The following FAM161B variants were observed in gnomAD, a reference collection of about 807,000 sequenced individuals.
FAM161B encodes protein FAM161B.
In FAM161B, 46 loss-of-function variants were observed where a neutral mutation model predicts 61.5. That is an observed-to-expected ratio of 0.75 (90% CI 0.59 to 0.96). FAM161B has a LOEUF of 0.96. Among genes scored for constraint, FAM161B ranks in the 40% least tolerant of loss-of-function variants. The probability of loss-of-function intolerance (pLI) is 0.00; values close to 1 mark genes in which losing one functional copy is unlikely to be tolerated. For synonymous variants in FAM161B, 284 were observed against 302.7 expected, an observed-to-expected ratio of 0.94 and a Z score of 0.64; for missense variants, 774 against 800.7, an observed-to-expected ratio of 0.97 and a Z score of 0.40.
chr14:73,937,641 T>G lies in FAM161B; in HGVS notation c.1626A>C (p.Arg542=). ...CAAAGAGATAGGGCCTTGTTTGTAT[T>G]CGCTGCTTCATTTCCTCCAGTTCTT... ...YKKELEEMKQ[R]IQTRPYLFEQ... is the part of the protein sequence containing the mutation. The change falls in exon 7 of 9, where the codon CGA becomes CGC. Residue 542 remains arginine (R), a synonymous_variant. Coordinates refer to ENST00000286544, the MANE Select transcript of FAM161B (RefSeq NM_152445.3). The G allele has an allele frequency of 6.2e-7, 1 of 1,614,212 alleles. No individual in the cohort carries two copies. Among genetic ancestry groups the G allele is most frequent in the Non-Finnish European group, 8.5e-7 (1 of 1,180,038 alleles).
rs2055938498 is a variant in FAM161B, at chr14:73,933,028, T to C, written c.*1228A>G. ...ATTTTAAGTTTACTTAAAATGAACCTCATGCTCACATAAACACACAGGCAC... is the reference window on the plus strand; with the variant it reads ...ATTTTAAGTTTACTTAAAATGAACCCCATGCTCACATAAACACACAGGCAC... On this transcript the variant is annotated 3_prime_UTR_variant, in exon 9 of 9. Coordinates refer to ENST00000286544, the MANE Select transcript of FAM161B (RefSeq NM_152445.3). 6.5e-6 allele frequency: 1 copy of C among 154,258 alleles called. No individual in the cohort carries two copies. Among genetic ancestry groups the C allele is most frequent in the South Asian group, 2.0e-4 (1 of 4,980 alleles). 9.6% of individuals were successfully genotyped at this position (154,258 alleles called of 1,614,324 possible). A position where few individuals can be genotyped will look rare whatever the true frequency, so the allele number is the denominator to read the frequency against.
In FAM161B at chr14:73,942,222, A is replaced by G. The variant is rs1004682769; in HGVS notation, c.1272+147T>C. 7.7e-6 allele frequency: 6 copies of G among 774,302 alleles called. No homozygotes were observed. In the African/African-American group the frequency reaches 8.8e-5, roughly 11 times the overall value. 48.0% of individuals were successfully genotyped at this position (774,302 alleles called of 1,614,324 possible). Reference sequence around the variant, plus strand: ...CAGGCTGGGCTGTGGTCTGGAGTTTATAGGAAAGTGAATCTGCTTACAACT... The same window carrying G: ...CAGGCTGGGCTGTGGTCTGGAGTTTGTAGGAAAGTGAATCTGCTTACAACT... On this transcript the variant is annotated intron_variant, in intron 4 of 8. Coordinates refer to ENST00000286544, the MANE Select transcript of FAM161B (RefSeq NM_152445.3).
chr14:73,938,240 C>T, intron 5 of FAM161B, 128 bp from the exon 6 acceptor site: 1 of 1,045,080 alleles, frequency 9.6e-7, no homozygotes, highest in Non-Finnish European at 1.4e-6. Flanking sequence ...AGGTGGATCA[C>T]CTGAGGTCAG....
chr14:73,931,599 G>A (rs1049830472), downstream of FAM161B: 9 of 1,513,720 alleles, frequency 5.9e-6, no homozygotes, highest in Middle Eastern at 3.4e-4. Flanking sequence ...GCGTATACTG[G>A]GAACAGGATG....
At chr14:73,931,543 C>T (rs1189283519), downstream of FAM161B, 8 of 1,609,378 alleles carry the variant, frequency 5.0e-6, no homozygotes, top group African/African-American at 1.3e-5. Context: ...CGGACATGAG[C>T]GTGGGTGCTG....
chr14:73,949,253 C>A (rs1289684479), intron 1 of FAM161B, among the ~76,000 whole-genome samples: 1 of 152,202 alleles, frequency 6.6e-6, no homozygotes, highest in Non-Finnish European at 1.5e-5. Flanking sequence ...CAGGCATGTG[C>A]CACCACGTCC....
In FAM161B at chr14:73,946,319, C is replaced by T; in HGVS notation, c.341G>A (p.Gly114Glu). The change falls in exon 2 of 9, where the codon GGG becomes GAG. Residue 114 changes from glycine (G) to glutamate (E), a missense_variant. Coordinates refer to ENST00000286544, the MANE Select transcript of FAM161B (RefSeq NM_152445.3). The part of the protein sequence containing the change: ...LESFFQDKDR[G>E]MVQVQCPQAL... ...CTGCGGGCACTGGACCTGCACCATC[C>T]CCCTGTCCTTGTCTTGGAAGAAACT... 1.9e-6 allele frequency: 3 copies of T among 1,614,146 alleles called. No individual in the cohort carries two copies. Among genetic ancestry groups the T allele is most frequent in the Non-Finnish European group, 2.5e-6 (3 of 1,180,024 alleles).
rs2055948517 is a variant in FAM161B at position 73,933,932 on chromosome 14, C to T, written c.*324G>A. ...TGCCTCTTGGGTTCAAGTGATTCTCCTGCCTCAGCTTCCCAAGTAGCTAGG... is the reference window on the plus strand; with the variant it reads ...TGCCTCTTGGGTTCAAGTGATTCTCTTGCCTCAGCTTCCCAAGTAGCTAGG... On this transcript the variant is annotated 3_prime_UTR_variant, in exon 9 of 9. Transcript: ENST00000286544. 1 of 210,752 alleles carries T rather than the reference C, an allele frequency of 4.7e-6. No homozygotes were observed. Among genetic ancestry groups the T allele is most frequent in the Non-Finnish European group, 9.5e-6 (1 of 105,332 alleles). The allele number at this position is 210,752 out of a possible 1,614,324, so 13.1% of individuals were successfully genotyped here. A position where few individuals can be genotyped will look rare whatever the true frequency, so the allele number is the denominator to read the frequency against.
chr14:73,943,450 T>G (rs2140347463), intron 3 of FAM161B, among the ~76,000 whole-genome samples: 1 of 152,282 alleles, frequency 6.6e-6, no homozygotes, highest in South Asian at 2.1e-4. Flanking sequence ...AAGTCCAGAC[T>G]CGCCAACGTG....
chr14:73,944,704 C>T lies in FAM161B; in HGVS notation c.556G>A (p.Ala186Thr). 2.5e-6 allele frequency: 4 copies of T among 1,606,246 alleles called. No individual in the cohort carries two copies. Among genetic ancestry groups the T allele is most frequent in the East Asian group, 2.2e-5 (1 of 44,638 alleles). Residue 186 changes from alanine to threonine, a missense_variant, in exon 3 of 9, where the codon GCC becomes ACC. Physicochemically the swap from Ala to Thr is moderately conservative, Grantham distance 58. Transcript: ENST00000286544. ...GAGGCAGGTGAGCCCAGCCACTCGG[C>T]CTTCTTCCGGGCCTCGCGCAGCGTC... Reference protein sequence around the residue: ...RMTLREARKKAEWLGSPASFE... With the variant: ...RMTLREARKKTEWLGSPASFE...
the FAM161B span, among the ~76,000 whole-genome samples, chr14:73,926,442 T>G: frequency 6.6e-6 from 1 of 152,090 alleles, no homozygotes; most frequent in East Asian, 1.9e-4. Context: ...TTGTTTTTGT[T>G]TTTGTTTTGA....
At chr14:73,949,847 C>T in intron 1 of FAM161B, 126 bp downstream of exon 1, 1 of 1,363,688 alleles carries the variant, frequency 7.3e-7, no homozygotes, top group Non-Finnish European at 1.0e-6. Context: ...GCCTCCTGGT[C>T]CCTAAACGCT....
At position 73,932,673 on chromosome 14, in the gene FAM161B, G is replaced by A. The variant is rs892771121; in HGVS notation, c.*1583C>T. The A allele has an allele frequency of 5.5e-6, 2 of 362,634 alleles. No homozygotes were observed. The highest frequency in any genetic ancestry group is 1.1e-5 in the Non-Finnish European group (2 of 188,086). 22.5% of individuals were successfully genotyped at this position (362,634 alleles called of 1,614,324 possible). ...GGGGTCTTGCTCTGTCACCCAGGCT[G>A]GAGTGCAGTAGTGTAATCATAGCTC... is the stretch of plus-strand genomic sequence containing the variant. On this transcript the variant is annotated 3_prime_UTR_variant, in exon 9 of 9. Transcript: ENST00000286544.
chr14:73,941,783 G>A (rs566245489), intron 4 of FAM161B, among the ~76,000 whole-genome samples: 1 of 152,262 alleles, frequency 6.6e-6, no homozygotes, highest in Non-Finnish European at 1.5e-5. Flanking sequence ...TCAGCTCACT[G>A]CAATCTCCGC....
At position 73,938,020 on chromosome 14, in the gene FAM161B, G is replaced by C; in HGVS notation, c.1493C>G (p.Thr498Ser). 6.2e-7 allele frequency: 1 copy of C among 1,614,150 alleles called. No homozygotes were observed. Among genetic ancestry groups the C allele is most frequent in the Non-Finnish European group, 8.5e-7 (1 of 1,179,998 alleles). Residue 498 changes from threonine to serine, a missense_variant, in exon 6 of 9, where the codon ACC becomes AGC. Transcript: ENST00000286544. ...KKSQAMSKSV[T>S]LRAKAMDPHK... The stretch of plus-strand genomic sequence containing the variant: ...GGGATCCATGGCTTTTGCACGCAAG[G>C]TCACAGATTTGGACATTGCTTGAGA...
downstream of FAM161B, among the ~76,000 whole-genome samples, chr14:73,928,849 G>C (rs2055871431): frequency 6.6e-6 from 1 of 152,134 alleles, no homozygotes; most frequent in South Asian, 2.1e-4. Context: ...TCCAGAGGCT[G>C]AGGCAGGAGG....
rs1014587850 is a variant in FAM161B, at chr14:73,948,915, C to G, written c.54+1058G>C. On this transcript the variant is annotated intron_variant, in intron 1 of 8. Transcript: ENST00000286544. ...TCACTGGAGGCACGCGCCACCACAC[C>G]TGGCTAATTTTTTTTTTTTTTTGAG... is the stretch of plus-strand genomic sequence containing the variant. Among the ~76,000 whole-genome samples, 35 of 151,950 alleles carry G rather than the reference C, an allele frequency of 2.3e-4. 1 individual carries two copies. Among genetic ancestry groups the G allele is most frequent in the Admixed American group, 2.2e-3 (34 of 15,254 alleles).
downstream of FAM161B, among the ~76,000 whole-genome samples, chr14:73,929,492 A>G (rs2055879994): frequency 6.6e-6 from 1 of 152,162 alleles, no homozygotes; most frequent in Non-Finnish European, 1.5e-5. Context: ...ACTTCCTGTA[A>G]ATATGCTCTA....
intron 1 of FAM161B, among the ~76,000 whole-genome samples, chr14:73,949,041 C>A (rs2056098125): frequency 6.6e-6 from 1 of 152,154 alleles, no homozygotes; most frequent in African/African-American, 2.4e-5. Flanking sequence ...GCCTCAGCCT[C>A]CCGAGTAGCT....
Sources: allele counts gnomAD v4.1 joint callset (sites outside exome capture counted in the v4.1 genomes callset), GRCh38; gene constraint gnomAD v4.1.1; transcripts MANE v1.5; gene names NCBI Gene and HGNC (gene_info 2026-07-23, HGNC 2026-07-21).